The following PXDNL variants were observed in gnomAD, a reference collection of about 807,000 sequenced individuals.
PXDNL encodes probable oxidoreductase PXDNL.
A neutral mutation model predicts 150.8 loss-of-function variants in PXDNL; 145 were observed. The observed-to-expected ratio is 0.96, with a 90% CI of 0.84 to 1.10. The LOEUF (loss-of-function observed/expected upper bound fraction) is 1.10, where lower values mean the gene tolerates loss of function less well. Ranked by LOEUF, PXDNL falls within the 50% of genes least tolerant of loss-of-function variation. The pLI is 0.00. For missense variants in PXDNL, 2,087 were observed against 1,873.9 expected (o/e 1.11, Z -2.10); for synonymous variants, 757 against 725.7 (o/e 1.04, Z -0.69).
chr8:51,643,280 T>C (rs1426421078), intron 2 of PXDNL, among the ~76,000 whole-genome samples: 2 of 152,188 alleles, frequency 1.3e-5, no homozygotes, highest in East Asian at 3.9e-4. Flanking sequence ...TCACCCTACC[T>C]GACTTCAAAC....
intron 4 of PXDNL, among the ~76,000 whole-genome samples, chr8:51,534,338 G>A (rs1396647309): frequency 5.5e-5 from 8 of 145,240 alleles, no homozygotes; most frequent in African/African-American, 1.6e-4. Context: ...CAGCCACCCC[G>A]TCCGGGAGGG....
chr8:51,551,796 A>G (rs904644266), intron 4 of PXDNL, among the ~76,000 whole-genome samples: 3 of 152,224 alleles, frequency 2.0e-5, no homozygotes, highest in Admixed American at 2.0e-4. Context: ...ACCCAAAAGC[A>G]AATGCAACAA....
At chr8:51,750,798 C>T (rs745523296) in intron 1 of PXDNL, among the ~76,000 whole-genome samples, 4 of 152,136 alleles carry the variant, frequency 2.6e-5, no homozygotes, top group Non-Finnish European at 5.9e-5. Context: ...TAGGTATGTA[C>T]GTATAGGAAG....
chr8:51,474,622 A>G (rs1810429683), intron 7 of PXDNL, among the ~76,000 whole-genome samples: 1 of 152,232 alleles, frequency 6.6e-6, no homozygotes, highest in Non-Finnish European at 1.5e-5. Context: ...TAAATTACTG[A>G]TTATTAACAC....
intron 4 of PXDNL, 103 bp downstream of exon 4, chr8:51,556,737 G>A: frequency 1.4e-6 from 1 of 691,972 alleles, no homozygotes. Flanking sequence ...GCCACATGGA[G>A]AAGCTTAAAA....
intron 2 of PXDNL, among the ~76,000 whole-genome samples, chr8:51,642,950 A>G (rs1814806650): frequency 6.6e-6 from 1 of 152,196 alleles, no homozygotes; most frequent in African/African-American, 2.4e-5. Context: ...CAATTGCTTC[A>G]AAGAGAATAA....
At chr8:51,364,649 C>A (rs1806859882) in intron 19 of PXDNL, among the ~76,000 whole-genome samples, 1 of 152,124 alleles carries the variant, frequency 6.6e-6, no homozygotes, top group Non-Finnish European at 1.5e-5. Context: ...GATGAAGGGC[C>A]AGTGTAAGTG....
At chr8:51,400,061 T>C (rs1586071807) in intron 17 of PXDNL, among the ~76,000 whole-genome samples, 1 of 152,206 alleles carries the variant, frequency 6.6e-6, no homozygotes, top group Admixed American at 6.5e-5. Context: ...ATTCTAAAAG[T>C]GAAGAATTTA....
chr8:51,578,042 GA>G (rs1813122500), intron 3 of PXDNL, among the ~76,000 whole-genome samples: 1 of 122,232 alleles, frequency 8.2e-6, no homozygotes, highest in South Asian at 2.4e-4. Context: ...AGGAAGGAAG[GA>G]AGGAAGGAAA....
At chr8:51,670,711 A>G (rs1449094681) in intron 1 of PXDNL, among the ~76,000 whole-genome samples, 1 of 152,210 alleles carries the variant, frequency 6.6e-6, no homozygotes, top group Non-Finnish European at 1.5e-5. Flanking sequence ...CAGTAGAAAG[A>G]TCACTAGATT....
At chr8:51,558,748 C>A (rs1585579183) in intron 3 of PXDNL, among the ~76,000 whole-genome samples, 1 of 152,148 alleles carries the variant, frequency 6.6e-6, no homozygotes, top group Non-Finnish European at 1.5e-5. Flanking sequence ...GCAATCAGAT[C>A]TGCACAAATT....
intron 2 of PXDNL, among the ~76,000 whole-genome samples, chr8:51,610,483 A>G (rs911378571): frequency 2.6e-5 from 4 of 152,202 alleles, no homozygotes; most frequent in African/African-American, 9.7e-5. Context: ...TTATGTCAAA[A>G]TATTCCTGGA....
intron 11 of PXDNL, among the ~76,000 whole-genome samples, chr8:51,447,646 G>A (rs906903141): frequency 3.3e-5 from 5 of 152,130 alleles, no homozygotes; most frequent in African/African-American, 1.2e-4. Flanking sequence ...TCAACCAGAG[G>A]CCATTGTACT....
chr8:51,332,743 C>G (rs11787165), intron 21 of PXDNL, among the ~76,000 whole-genome samples: 6,508 of 152,128 alleles, frequency 0.043, 294 homozygotes, highest in African/African-American at 0.11. Context: ...GAAATTCAGG[C>G]CTCGAAGACA....
intron 1 of PXDNL, among the ~76,000 whole-genome samples, chr8:51,734,765 C>A (rs781305593): frequency 3.3e-5 from 5 of 152,172 alleles, no homozygotes; most frequent in Admixed American, 2.0e-4. Flanking sequence ...TTAAGTCAAG[C>A]ATGCAGCTGC....
At chr8:51,351,953 G>A (rs1050104285) in intron 19 of PXDNL, among the ~76,000 whole-genome samples, 1 of 152,112 alleles carries the variant, frequency 6.6e-6, no homozygotes, top group Non-Finnish European at 1.5e-5. Context: ...ATATGAGGTA[G>A]CTTCATCATG....
At chr8:51,696,725 C>CCA (rs111520724) in intron 1 of PXDNL, among the ~76,000 whole-genome samples, 101,664 of 125,026 alleles carry the variant, frequency 0.81, 39,297 homozygotes, top group Middle Eastern at 0.86. Context: ...TCACACACAT[C>CCA]CACACACAGG....
At chr8:51,353,772 T>C (rs926053187) in intron 19 of PXDNL, among the ~76,000 whole-genome samples, 1 of 152,198 alleles carries the variant, frequency 6.6e-6, no homozygotes, top group African/African-American at 2.4e-5. Flanking sequence ...GCTGAATGGA[T>C]GCTAAGCTAT....
At chr8:51,386,334 G>A (rs376487059) in intron 17 of PXDNL, among the ~76,000 whole-genome samples, 8 of 151,964 alleles carry the variant, frequency 5.3e-5, no homozygotes, top group African/African-American at 1.2e-4. Flanking sequence ...CTCGTGATCC[G>A]CCTGCCTCGG....
Sources: gnomAD v4.1 joint callset for allele counts (sites outside exome capture counted in the v4.1 genomes callset) on GRCh38, gnomAD v4.1.1 for gene constraint, MANE v1.5 for transcripts, NCBI Gene and HGNC (gene_info 2026-07-23, HGNC 2026-07-21) for gene names.